The following DHX40 variants were observed in gnomAD, a reference collection of about 807,000 sequenced individuals.
DHX40 encodes DEAH-box helicase 40.
A neutral mutation model predicts 89.6 loss-of-function variants in DHX40; 28 were observed. The observed-to-expected ratio is 0.31, with a 90% CI of 0.23 to 0.43. The LOEUF is 0.43. Among genes scored for constraint, DHX40 ranks in the 20% least tolerant of loss-of-function variants. The probability of loss-of-function intolerance (pLI) is 1.00; values close to 1 mark genes in which losing one functional copy is unlikely to be tolerated. For synonymous variants in DHX40, 226 were observed against 283.6 expected, an observed-to-expected ratio of 0.80 and a Z score of 2.04; for missense variants, 457 against 844.0, an observed-to-expected ratio of 0.54 and a Z score of 5.68.
chr17:59,606,764 AAAAG>A (rs2030884301), intron 17 of DHX40, among the ~76,000 whole-genome samples: 1 of 151,194 alleles, frequency 6.6e-6, no homozygotes, highest in South Asian at 2.1e-4. Context: ...AAAAAAAAAG[AAAAG>A]AAATCTTAGC....
At chr17:59,594,066 G>A (rs993944410) in intron 12 of DHX40, among the ~76,000 whole-genome samples, 2 of 152,198 alleles carry the variant, frequency 1.3e-5, no homozygotes, top group Non-Finnish European at 2.9e-5. Flanking sequence ...TTCAGCCAAG[G>A]AGTCGAGGCT....
At chr17:59,583,848 C>A (rs1253689014) in intron 10 of DHX40, among the ~76,000 whole-genome samples, 2 of 107,184 alleles carry the variant, frequency 1.9e-5, no homozygotes, top group Middle Eastern at 8.6e-3. Context: ...CCACTGCACT[C>A]CAGCCTGGGC....
At chr17:59,569,113 G>A (rs2048750353) in intron 2 of DHX40, among the ~76,000 whole-genome samples, 1 of 152,080 alleles carries the variant, frequency 6.6e-6, no homozygotes, top group African/African-American at 2.4e-5. Flanking sequence ...TGGATCACTT[G>A]AGGTCAGAAG....
chr17:59,597,371 CACTT>C (rs200137221), intron 12 of DHX40, among the ~76,000 whole-genome samples: 3,406 of 89,454 alleles, frequency 0.038, 202 homozygotes, highest in African/African-American at 0.14. Context: ...ATGAGCTACA[CACTT>C]ACGTCCTGTG....
intron 2 of DHX40, 67 bp from the exon 3 acceptor site, chr17:59,570,451 A>G (rs2048790143): frequency 6.8e-7 from 1 of 1,478,246 alleles, no homozygotes; most frequent in South Asian, 1.4e-5. Context: ...TTGGCCAAAA[A>G]CAATTTAGCT....
chr17:59,585,415 T>A (rs2048979396), intron 10 of DHX40, among the ~76,000 whole-genome samples: 1 of 148,688 alleles, frequency 6.7e-6, no homozygotes, highest in Non-Finnish European at 1.5e-5. Flanking sequence ...AAAAAAAAAT[T>A]AAATTGTATT....
chr17:59,570,406 A>T, intron 2 of DHX40, 112 bp from the exon 3 acceptor site: 1 of 1,023,200 alleles, frequency 9.8e-7, no homozygotes, highest in Non-Finnish European at 1.3e-6. Context: ...TTTGCGAGAT[A>T]TTCTTTTGGA....
Position 59,569,379 on chromosome 17 carries a change from C to T in DHX40, c.281-1139C>T, listed in dbSNP as rs2048755831. Among the ~76,000 whole-genome samples the T allele has an allele frequency of 2.0e-5, 3 of 149,964 alleles. 1 individual carries two copies. In the South Asian group the frequency reaches 6.3e-4, roughly 32 times the overall value. On this transcript the variant is annotated intron_variant, in intron 2 of 17. Transcript: ENST00000251241. The stretch of plus-strand genomic sequence containing the variant: ...AAATAAATAAATAAATCCAGTTTTA[C>T]TCTTGTGGCAAAAGTAAATTTATTT...
chr17:59,605,888 C>T, intron 17 of DHX40: 1 of 609,974 alleles, frequency 1.6e-6, no homozygotes, highest in Non-Finnish European at 3.0e-6. Context: ...TCGCTTGAAC[C>T]CAGGAGTTTG....
intron 7 of DHX40, chr17:59,577,059 CAG>C (rs1476460849): frequency 1.7e-6 from 1 of 581,914 alleles, no homozygotes; most frequent in Non-Finnish European, 3.2e-6. Flanking sequence ...TTCTTAGAGA[CAG>C]GGTCTCACCA....
chr17:59,572,133 A>G (rs2048818540), intron 3 of DHX40, among the ~76,000 whole-genome samples: 1 of 152,210 alleles, frequency 6.6e-6, no homozygotes, highest in African/African-American at 2.4e-5. Flanking sequence ...TTAATAGTGA[A>G]TATTATAATT....
chr17:59,600,853 A>AG (rs368718815), intron 14 of DHX40, among the ~76,000 whole-genome samples: 1 of 130,840 alleles, frequency 7.6e-6, no homozygotes, highest in Non-Finnish European at 1.6e-5. Context: ...TCTCAAAAAA[A>AG]TTTTTTTTTT....
At chr17:59,585,807 C>CT (rs1180342632) in intron 10 of DHX40, among the ~76,000 whole-genome samples, 1 of 136,518 alleles carries the variant, frequency 7.3e-6, no homozygotes, top group African/African-American at 3.2e-5. Context: ...TATTTCTCTA[C>CT]TATTTTTATA....
chr17:59,607,493 GA>G lies in DHX40; in HGVS notation c.*323del, dbSNP rs756274752. On this transcript the variant is annotated 3_prime_UTR_variant, in exon 18 of 18. Coordinates refer to ENST00000251241, the MANE Select transcript of DHX40 (RefSeq NM_024612.5). ...ACGCTGTCATTGAGATGTTTTCAAA[GA>G]ACATTGAGTTGTATTTAATCAGCGT... is the stretch of plus-strand genomic sequence containing the variant. 9 of 573,850 alleles carry G rather than the reference GA, an allele frequency of 1.6e-5. No individual in the cohort carries two copies. The highest frequency in any genetic ancestry group is 2.5e-5 in the Non-Finnish European group (8 of 322,350). 35.5% of individuals were successfully genotyped at this position (573,850 alleles called of 1,614,324 possible).
Position 59,565,633 on chromosome 17 carries a change from G to A in DHX40, c.-39G>A, listed in dbSNP as rs375910663. ...TCGTCTTTCCCCTCCCATCTCCTCA[G>A]ATCGGTGGACGTGCTCGCCTCCACT... On this transcript the variant is annotated 5_prime_UTR_variant, in exon 1 of 18. Transcript: ENST00000251241. 6.4e-7 allele frequency: 1 copy of A among 1,573,958 alleles called. No homozygotes were observed. Among genetic ancestry groups the A allele is most frequent in the Non-Finnish European group, 8.6e-7 (1 of 1,161,664 alleles).
At chr17:59,600,853 A>AT (rs59684239) in intron 14 of DHX40, among the ~76,000 whole-genome samples, 31,754 of 130,848 alleles carry the variant, frequency 0.24, 6,839 homozygotes, top group African/African-American at 0.57. Context: ...TCTCAAAAAA[A>AT]TTTTTTTTTT....
intron 11 of DHX40, among the ~76,000 whole-genome samples, chr17:59,587,658 A>G (rs1462039680): frequency 5.3e-5 from 8 of 152,040 alleles, no homozygotes; most frequent in Non-Finnish European, 8.8e-5. Context: ...GGGTTTTGCC[A>G]TGTTGGCCAG....
intron 10 of DHX40, 127 bp from the exon 11 acceptor site, chr17:59,586,026 T>G (rs1289318245): frequency 4.2e-6 from 3 of 721,358 alleles, no homozygotes; most frequent in Non-Finnish European, 7.0e-6. Flanking sequence ...TATAATTTTT[T>G]TTTAGAAAAA....
At chr17:59,566,044 A>G (rs1415770075) in intron 1 of DHX40, among the ~76,000 whole-genome samples, 1 of 152,182 alleles carries the variant, frequency 6.6e-6, no homozygotes, top group Non-Finnish European at 1.5e-5. Context: ...TTCTGTTCTT[A>G]AACAGGCTCA....
Sources: allele counts gnomAD v4.1 joint callset (sites outside exome capture counted in the v4.1 genomes callset), GRCh38; gene constraint gnomAD v4.1.1; transcripts MANE v1.5; gene names NCBI Gene and HGNC (gene_info 2026-07-23, HGNC 2026-07-21).